The following NPTX2 variants were observed in gnomAD, a reference collection of about 807,000 sequenced individuals.
The protein encoded by NPTX2 is neuronal pentraxin 2.
In NPTX2, 23 loss-of-function variants were observed where a neutral mutation model predicts 38.1. The observed-to-expected ratio is 0.60, with a 90% CI of 0.43 to 0.85. The LOEUF (loss-of-function observed/expected upper bound fraction) is 0.85. NPTX2 is among the 40% of genes least tolerant of loss of function. NPTX2 has a pLI of 0.00. For missense variants in NPTX2, 553 were observed against 615.3 expected, an observed-to-expected ratio of 0.90 and a Z score of 1.07; for synonymous variants, 291 against 287.3, an observed-to-expected ratio of 1.01 and a Z score of -0.13.
At chr7:98,624,219 A>G (rs903196498) in intron 2 of NPTX2, among the ~76,000 whole-genome samples, 8 of 152,160 alleles carry the variant, frequency 5.3e-5, no homozygotes, top group African/African-American at 1.7e-4. Context: ...AGCCTCCCAA[A>G]GCACTGGGAT....
chr7:98,624,924 A>G lies in NPTX2; in HGVS notation c.646A>G (p.Asn216Asp). The change falls in exon 3 of 5, where the codon AAT becomes GAT. Residue 216 changes from asparagine to aspartate, a missense_variant and splice_region_variant. By Grantham distance (23) the Asn-to-Asp change is conservative (BLOSUM62 1). Coordinates refer to ENST00000265634, the MANE Select transcript of NPTX2 (RefSeq NM_002523.3). ...LQRVTELERG[N>D]SAFKSPDAFK... ...CCTCTCTTCCTCCCAACCCCCAGGCAATAGCGCCTTTAAGTCACCAGATGC... is the reference window on the plus strand; with the variant it reads ...CCTCTCTTCCTCCCAACCCCCAGGCGATAGCGCCTTTAAGTCACCAGATGC... 6.2e-7 allele frequency: 1 copy of G among 1,609,608 alleles called. No individual in the cohort carries two copies. Among genetic ancestry groups the G allele is most frequent in the South Asian group, 1.1e-5 (1 of 91,024 alleles).
intron 2 of NPTX2, 185 bp downstream of exon 2, chr7:98,620,044 T>C: frequency 1.6e-6 from 1 of 620,838 alleles, no homozygotes; most frequent in Non-Finnish European, 2.9e-6. Flanking sequence ...CCAGCCCCAC[T>C]GGCATTATCC....
At chr7:98,619,374 C>T (rs1791233272) in intron 1 of NPTX2, among the ~76,000 whole-genome samples, 1 of 152,134 alleles carries the variant, frequency 6.6e-6, no homozygotes, top group African/African-American at 2.4e-5. Flanking sequence ...AGAATATTGA[C>T]TTTTTAGTAA....
At position 98,628,412 on chromosome 7, in the gene NPTX2, G is replaced by A. The variant is rs565902154; in HGVS notation, c.1079G>A (p.Gly360Glu). Residue 360 changes from glycine (G) to glutamate (E), a missense_variant, in exon 5 of 5, where the codon GGG (glycine) becomes GAG (glutamate). By Grantham distance (98) the Gly-to-Glu change is moderately conservative. Coordinates refer to ENST00000265634, the MANE Select transcript of NPTX2 (RefSeq NM_002523.3). Reference protein sequence around the residue: ...LILGQEQDTVGGRFDATQAFV... With the variant: ...LILGQEQDTVEGRFDATQAFV... ...GTTCCCATTCCCCAGGACACCGTGG[G>A]GGGTAGGTTTGATGCCACTCAGGCA... 5.7e-6 allele frequency: 9 copies of A among 1,589,796 alleles called. No individual in the cohort carries two copies. The highest frequency in any genetic ancestry group is 5.6e-5 in the South Asian group (5 of 89,436).
chr7:98,622,829 C>A (rs1791290954), intron 2 of NPTX2, among the ~76,000 whole-genome samples: 1 of 152,130 alleles, frequency 6.6e-6, no homozygotes, highest in Non-Finnish European at 1.5e-5. Context: ...ATCGGGAGGC[C>A]ACCATTGGCA....
rs374536975 is a variant in NPTX2 at position 98,628,407 on chromosome 7, C to T, written c.1074C>T (p.Thr358=). The T allele has an allele frequency of 4.5e-5, 71 of 1,575,214 alleles. No homozygotes were observed. In the African/African-American group the frequency reaches 6.1e-4, roughly 13 times the overall value. Residue 358 remains threonine, a synonymous_variant, in exon 5 of 5, where the codon ACC becomes ACT. Transcript: ENST00000265634. ...CTCTTGTTCCCATTCCCCAGGACAC[C>T]GTGGGGGGTAGGTTTGATGCCACTC... is the stretch of plus-strand genomic sequence containing the variant. ...GVLILGQEQD[T]VGGRFDATQA...
At position 98,617,307 on chromosome 7, in the gene NPTX2, G is replaced by A. The variant is rs1012893025; in HGVS notation, c.-155G>A. ...GCCAGAGTGCCGAGCAGCGCGGTGGGTGCGGCTGTGAGACGGCAGGAGACT... is the reference window on the plus strand; with the variant it reads ...GCCAGAGTGCCGAGCAGCGCGGTGGATGCGGCTGTGAGACGGCAGGAGACT... On this transcript the variant is annotated 5_prime_UTR_variant, in exon 1 of 5. It adds an upstream start codon to the 5' untranslated region. Coordinates refer to ENST00000265634, the MANE Select transcript of NPTX2 (RefSeq NM_002523.3). 2.5e-5 allele frequency: 7 copies of A among 281,314 alleles called. No individual in the cohort carries two copies. The highest frequency in any genetic ancestry group is 1.7e-4 in the South Asian group (1 of 6,006). The allele number at this position is 281,314 out of a possible 1,614,324, so 17.4% of individuals were successfully genotyped here.
chr7:98,626,157 A>G (rs538420024), intron 3 of NPTX2, among the ~76,000 whole-genome samples: 1 of 151,098 alleles, frequency 6.6e-6, no homozygotes, highest in African/African-American at 2.4e-5. Flanking sequence ...AAAAAAAAAA[A>G]AAAAAAAAAA....
At position 98,629,436 on chromosome 7, in the gene NPTX2, ATTTG is replaced by A. The variant is rs1267790128; in HGVS notation, c.*811_*814del. ...ACAACCATCCGGTGTGGTTTGGAGG[ATTTG>A]TTTTTTTTTTTTCCCAACAGAAAAG... On this transcript the variant is annotated 3_prime_UTR_variant, in exon 5 of 5. Transcript: ENST00000265634. 4.0e-5 allele frequency: 6 copies of A among 151,044 alleles called. No individual in the cohort carries two copies. Among genetic ancestry groups the A allele is most frequent in the Admixed American group, 1.3e-4 (2 of 15,160 alleles). The allele number at this position is 151,044 out of a possible 1,614,324, so 9.4% of individuals were successfully genotyped here.
At chr7:98,617,910 G>A in intron 1 of NPTX2, 23 bp downstream of exon 1, 2 of 1,540,450 alleles carry the variant, frequency 1.3e-6, no homozygotes, top group East Asian at 2.4e-5. Flanking sequence ...GGGGAGCGCG[G>A]GGGACCTGGA....
At chr7:98,624,826 C>A in intron 2 of NPTX2, 96 bp from the exon 3 acceptor site, 1 of 1,482,448 alleles carries the variant, frequency 6.7e-7, no homozygotes, top group Non-Finnish European at 9.1e-7. Context: ...TGTGAGGGAC[C>A]TTCTTGTGGG....
Position 98,617,825 on chromosome 7 carries a change from C to T in NPTX2, c.364C>T (p.His122Tyr), listed in dbSNP as rs1791197729. The part of the protein sequence containing the change: ...TMGDLPRDPG[H>Y]VVEQLSRSLQ... ...GGGCGACCTGCCGCGGGACCCCGGC[C>T]ACGTCGTGGAGCAGCTCAGCCGCTC... is the stretch of plus-strand genomic sequence containing the variant. The change falls in exon 1 of 5, where the codon CAC (histidine) becomes TAC (tyrosine). Residue 122 changes from histidine (H) to tyrosine (Y), a missense_variant. Coordinates refer to ENST00000265634, the MANE Select transcript of NPTX2 (RefSeq NM_002523.3). The T allele has an allele frequency of 6.5e-6, 10 of 1,540,732 alleles. No individual in the cohort carries two copies. Among genetic ancestry groups the T allele is most frequent in the Admixed American group, 5.8e-5 (3 of 51,900 alleles).
Position 98,617,305 on chromosome 7 carries a change from G to A in NPTX2, c.-157G>A, listed in dbSNP as rs958979716. On this transcript the variant is annotated 5_prime_UTR_variant, in exon 1 of 5. Coordinates refer to ENST00000265634, the MANE Select transcript of NPTX2 (RefSeq NM_002523.3). ...AGGCCAGAGTGCCGAGCAGCGCGGT[G>A]GGTGCGGCTGTGAGACGGCAGGAGA... is the stretch of plus-strand genomic sequence containing the variant. 1.0e-4 allele frequency: 29 copies of A among 280,820 alleles called. No individual in the cohort carries two copies. Among genetic ancestry groups the A allele is most frequent in the African/African-American group, 6.5e-4 (29 of 44,724 alleles). 17.4% of individuals were successfully genotyped at this position (280,820 alleles called of 1,614,324 possible). A position where few individuals can be genotyped will look rare whatever the true frequency, so the allele number is the denominator to read the frequency against.
In NPTX2 at chr7:98,624,987, T is replaced by C. The variant is rs1487572718; in HGVS notation, c.709T>C (p.Tyr237His). 2 of 1,613,824 alleles carry C rather than the reference T, an allele frequency of 1.2e-6. No individual in the cohort carries two copies. Among genetic ancestry groups the C allele is most frequent in the African/African-American group, 2.7e-5 (2 of 74,946 alleles). Residue 237 changes from tyrosine (Y) to histidine (H), a missense_variant, in exon 3 of 5, where the codon TAC becomes CAC. Coordinates refer to ENST00000265634, the MANE Select transcript of NPTX2 (RefSeq NM_002523.3). ...VSLPLRTNYL[Y>H]GKIKKTLPEL... ...CCTCCCACTCCGCACAAACTACCTA[T>C]ACGGCAAGATCAAGAAGACGCTGCC...
chr7:98,625,212 G>A (rs763434599), intron 3 of NPTX2, 46 bp downstream of exon 3: 1 of 1,544,002 alleles, frequency 6.5e-7, no homozygotes, highest in Non-Finnish European at 8.8e-7. Flanking sequence ...CCATCATGTG[G>A]TGGAGGGAGC....
In NPTX2 at chr7:98,629,443, T is replaced by G. The variant is rs1053710923; in HGVS notation, c.*814T>G. ...TCCGGTGTGGTTTGGAGGATTTGTTTTTTTTTTTTCCCAACAGAAAAGAAC... is the reference window on the plus strand; with the variant it reads ...TCCGGTGTGGTTTGGAGGATTTGTTGTTTTTTTTTCCCAACAGAAAAGAAC... On this transcript the variant is annotated 3_prime_UTR_variant, in exon 5 of 5. Transcript: ENST00000265634. The G allele has an allele frequency of 6.6e-6, 1 of 152,458 alleles. No individual in the cohort carries two copies. Among genetic ancestry groups the G allele is most frequent in the Non-Finnish European group, 1.5e-5 (1 of 68,012 alleles). 9.4% of individuals were successfully genotyped at this position (152,458 alleles called of 1,614,324 possible).
At position 98,619,819 on chromosome 7, in the gene NPTX2, C is replaced by T; in HGVS notation, c.603C>T (p.Thr201=). 1.9e-6 allele frequency: 3 copies of T among 1,613,928 alleles called. No individual in the cohort carries two copies. The highest frequency in any genetic ancestry group is 2.5e-6 in the Non-Finnish European group (3 of 1,180,034). Residue 201 remains threonine, a synonymous_variant, in exon 2 of 5, where the codon ACC becomes ACT. Coordinates refer to ENST00000265634, the MANE Select transcript of NPTX2 (RefSeq NM_002523.3). ...TSAHRQKTES[T]LNALLQRVTE... Reference sequence around the variant, plus strand: ...CTCACCGGCAGAAGACCGAGAGCACCCTGAACGCGCTGCTGCAGAGGGTCA... The same window carrying T: ...CTCACCGGCAGAAGACCGAGAGCACTCTGAACGCGCTGCTGCAGAGGGTCA...
chr7:98,628,365 C>A, intron 4 of NPTX2, 37 bp from the exon 5 acceptor site: 1 of 1,061,232 alleles, frequency 9.4e-7, no homozygotes, highest in Non-Finnish European at 1.4e-6. Context: ...GACTTGTGAA[C>A]CAGCCCTGAC....
At chr7:98,625,809 A>G (rs1216270918) in intron 3 of NPTX2, among the ~76,000 whole-genome samples, 1 of 151,908 alleles carries the variant, frequency 6.6e-6, no homozygotes, top group African/African-American at 2.4e-5. Context: ...TCCAGAGCAA[A>G]TGCCCCTTCT....
Sources: allele counts gnomAD v4.1 joint callset (sites outside exome capture counted in the v4.1 genomes callset), GRCh38; gene constraint gnomAD v4.1.1; transcripts MANE v1.5; gene names NCBI Gene and HGNC (gene_info 2026-07-23, HGNC 2026-07-21).